SAMSN1: variants seen among roughly 807,000 people sequenced by gnomAD.
SAMSN1 encodes the protein SAM domain, SH3 domain and nuclear localization signals 1.
Under a neutral mutation model 42.0 loss-of-function variants are expected in SAMSN1, and 31 were observed. That is an observed-to-expected ratio of 0.74 (90% CI 0.55 to 1.00). The LOEUF is 1.00. Ranked by LOEUF, SAMSN1 falls within the 50% of genes least tolerant of loss-of-function variation. The pLI is 0.00. For synonymous variants in SAMSN1, 178 were observed against 151.9 expected (o/e 1.17, Z -1.26); for missense variants, 464 against 439.4 (o/e 1.06, Z -0.50).
chr21:14,621,719 G>C (rs1009158816), intron 2 of SAMSN1, among the ~76,000 whole-genome samples: 4 of 152,220 alleles, frequency 2.6e-5, no homozygotes, highest in Non-Finnish European at 5.9e-5. Context: ...CCAAACAAAA[G>C]GCAGCAGAAA....
intron 1 of SAMSN1, among the ~76,000 whole-genome samples, chr21:14,545,344 T>G (rs1338650614): frequency 6.6e-6 from 1 of 151,928 alleles, no homozygotes; most frequent in Non-Finnish European, 1.5e-5. Flanking sequence ...AGACAATAAA[T>G]CAATCCTTAA....
intron 4 of SAMSN1, among the ~76,000 whole-genome samples, chr21:14,512,189 T>C (rs1048981893): frequency 2.0e-5 from 3 of 152,250 alleles, no homozygotes; most frequent in Admixed American, 1.3e-4. Flanking sequence ...TCTCCTAATA[T>C]GGCTTTTTTG....
intron 1 of SAMSN1, among the ~76,000 whole-genome samples, chr21:14,530,080 G>T (rs1461287456): frequency 2.0e-5 from 3 of 152,174 alleles, no homozygotes; most frequent in Admixed American, 6.5e-5. Flanking sequence ...ACTTTGGGAG[G>T]CCAAGGCAGG....
intron 6 of SAMSN1, among the ~76,000 whole-genome samples, chr21:14,599,810 C>G (rs1375728069): frequency 6.6e-6 from 1 of 152,060 alleles, no homozygotes; most frequent in Non-Finnish European, 1.5e-5. Context: ...TAATTGTGAC[C>G]CAAATAAACC....
intron 7 of SAMSN1, 30 bp from the exon 8 acceptor site, chr21:14,486,144 G>C: frequency 1.3e-6 from 2 of 1,512,388 alleles, no homozygotes; most frequent in Non-Finnish European, 1.8e-6. Context: ...GCAGGAGTTA[G>C]GTAAAGCAAC....
intron 7 of SAMSN1, among the ~76,000 whole-genome samples, chr21:14,593,041 A>G (rs1398963835): frequency 6.6e-6 from 1 of 152,154 alleles, no homozygotes; most frequent in Non-Finnish European, 1.5e-5. Flanking sequence ...TTTAAATCAT[A>G]ACTTTCCATC....
At chr21:14,608,813 A>C (rs892884587) in intron 5 of SAMSN1, among the ~76,000 whole-genome samples, 6 of 152,166 alleles carry the variant, frequency 3.9e-5, no homozygotes, top group Admixed American at 2.0e-4. Flanking sequence ...TTGAATCATC[A>C]ATAGCTAAAA....
intron 2 of SAMSN1, among the ~76,000 whole-genome samples, chr21:14,560,516 A>G (rs1336004385): frequency 1.3e-5 from 2 of 152,150 alleles, no homozygotes; most frequent in Non-Finnish European, 2.9e-5. Flanking sequence ...CAGACAGGAG[A>G]GCTCTAATAT....
chr21:14,654,797 A>G (rs886890723), intron 1 of SAMSN1, among the ~76,000 whole-genome samples: 3 of 151,950 alleles, frequency 2.0e-5, no homozygotes, highest in Non-Finnish European at 4.4e-5. Flanking sequence ...GGGCATCAGG[A>G]AGACATGAGA....
intron 2 of SAMSN1, among the ~76,000 whole-genome samples, chr21:14,564,697 A>G (rs898173177): frequency 1.3e-5 from 2 of 152,194 alleles, no homozygotes; most frequent in Non-Finnish European, 2.9e-5. Context: ...TCGCCTCTTT[A>G]TCCTATCCCT....
intron 2 of SAMSN1, among the ~76,000 whole-genome samples, chr21:14,570,098 A>T (rs1981251731): frequency 6.6e-6 from 1 of 152,012 alleles, no homozygotes; most frequent in Non-Finnish European, 1.5e-5. Context: ...CATGCGAGAA[A>T]CTAAGTGCCC....
intron 1 of SAMSN1, among the ~76,000 whole-genome samples, chr21:14,658,352 A>G (rs1983948281): frequency 6.6e-6 from 1 of 151,916 alleles, no homozygotes; most frequent in Admixed American, 6.6e-5. Flanking sequence ...TCATTACTCA[A>G]GGAACAAAGA....
intron 2 of SAMSN1, among the ~76,000 whole-genome samples, chr21:14,577,260 ATATATATATATATATATATATATATT>A (rs1388238371): frequency 1.4e-4 from 6 of 42,356 alleles, no homozygotes; most frequent in African/African-American, 3.4e-4. Context: ...ATATATATAT[ATATATATATATATATATATATATATT>A]TTTTTTTTAG....
At chr21:14,515,363 A>AT (rs1185037230) in intron 3 of SAMSN1, among the ~76,000 whole-genome samples, 1 of 152,240 alleles carries the variant, frequency 6.6e-6, no homozygotes, top group Non-Finnish European at 1.5e-5. Context: ...TGGTCAATTG[A>AT]TTTTTAACAA....
intron 2 of SAMSN1, among the ~76,000 whole-genome samples, chr21:14,553,258 A>G (rs1980658984): frequency 6.6e-6 from 1 of 152,118 alleles, no homozygotes; most frequent in East Asian, 1.9e-4. Flanking sequence ...GGCTGAGTTA[A>G]ATATTGTTTA....
rs1981540165 is a variant in SAMSN1 at position 14,577,332 on chromosome 21, C to T, written c.261+4804G>A. 4.5e-5 allele frequency among the ~76,000 whole-genome samples: 6 copies of T among 133,502 alleles called. No individual in the cohort carries two copies. In the South Asian group the frequency reaches 1.2e-3, roughly 27 times the overall value. 87.6% of individuals were successfully genotyped at this position (133,502 alleles called of 152,430 possible). On this transcript the variant is annotated intron_variant, in intron 2 of 8. Coordinates refer to the SAMSN1 transcript ENST00000285670. ...GTTTTACTGTGTTAGCCAGGATGGT[C>T]TCGATCTCCTGACCTCATGATCCGC...
intron 3 of SAMSN1, among the ~76,000 whole-genome samples, chr21:14,613,449 G>T (rs953609389): frequency 2.0e-5 from 3 of 152,124 alleles, no homozygotes; most frequent in Non-Finnish European, 2.9e-5. Flanking sequence ...CAATTCATGT[G>T]TGTGGGTGAA....
chr21:14,596,593 G>C (rs958727484), intron 6 of SAMSN1, among the ~76,000 whole-genome samples: 1 of 152,112 alleles, frequency 6.6e-6, no homozygotes. Context: ...AGGAATTGTG[G>C]CCTCTTCTTG....
At chr21:14,488,959 T>G (rs1020205903) in intron 7 of SAMSN1, among the ~76,000 whole-genome samples, 5 of 152,152 alleles carry the variant, frequency 3.3e-5, no homozygotes, top group Non-Finnish European at 7.4e-5. Context: ...GCATTCACTT[T>G]TGTATTTGGA....
Sources: allele counts gnomAD v4.1 joint callset (sites outside exome capture counted in the v4.1 genomes callset), GRCh38; gene constraint gnomAD v4.1.1; transcripts MANE v1.5; gene names NCBI Gene and HGNC (gene_info 2026-07-23, HGNC 2026-07-21).